The following SORCS1 variants were observed in gnomAD, a reference collection of about 807,000 sequenced individuals.
The protein encoded by SORCS1 is VPS10 domain-containing receptor SorCS1.
In SORCS1, 60 loss-of-function variants were observed where a neutral mutation model predicts 146.1. The ratio of observed to expected loss-of-function variants is 0.41; its 90% CI spans 0.33 to 0.51. The LOEUF (loss-of-function observed/expected upper bound fraction) is 0.51, where lower values mean the gene tolerates loss of function less well. Ranked by LOEUF, SORCS1 falls within the 20% of genes least tolerant of loss-of-function variation. The pLI is 0.21. For missense variants in SORCS1, 1,352 were observed against 1,487.6 expected (o/e 0.91, Z 1.50); for synonymous variants, 637 against 584.0 (o/e 1.09, Z -1.31).
intron 3 of SORCS1, among the ~76,000 whole-genome samples, chr10:106,783,968 C>A (rs1274250592): frequency 6.6e-6 from 1 of 152,022 alleles, no homozygotes; most frequent in East Asian, 1.9e-4. Context: ...AAGTGCATCC[C>A]ATGCTTAACT....
intron 1 of SORCS1, among the ~76,000 whole-genome samples, chr10:106,962,294 A>T (rs2139074378): frequency 6.9e-6 from 1 of 144,456 alleles, no homozygotes; most frequent in Admixed American, 7.2e-5. Flanking sequence ...GCTACTTGGG[A>T]GGCTGAGGCA....
At chr10:107,017,833 T>G (rs1957963511) in intron 1 of SORCS1, among the ~76,000 whole-genome samples, 1 of 152,038 alleles carries the variant, frequency 6.6e-6, no homozygotes, top group Non-Finnish European at 1.5e-5. Context: ...TGTTTGTTTT[T>G]TTGTAGTTTT....
rs935037248 is a variant in SORCS1 at position 107,014,913 on chromosome 10, T to G, written c.559-58333A>C. On this transcript the variant is annotated intron_variant, in intron 1 of 25. Transcript: ENST00000263054. The stretch of plus-strand genomic sequence containing the variant: ...TGATATGAATTCCTAAAGGAAGGAA[T>G]AGCCAATTGTGGTTGGAATATGGTC... Among the ~76,000 whole-genome samples the G allele has an allele frequency of 9.2e-5, 14 of 152,332 alleles. No individual in the cohort carries two copies. In the East Asian group the frequency reaches 2.3e-3, roughly 25 times the overall value.
intron 1 of SORCS1, among the ~76,000 whole-genome samples, chr10:107,104,906 T>C (rs1288228871): frequency 1.3e-5 from 2 of 152,074 alleles, no homozygotes; most frequent in African/African-American, 4.8e-5. Context: ...GTGTGGGAAA[T>C]AGGATCTGGA....
rs672508 is a variant in SORCS1 at position 107,143,967 on chromosome 10, T to G, written c.558+20002A>C. ...CAATCTAGTTTGCAAGGCCCTTTTT[T>G]GTAAGATGCCAGTTTTTCTCTCCAG... On this transcript the variant is annotated intron_variant, in intron 1 of 25. Transcript: ENST00000263054. Among the ~76,000 whole-genome samples the G allele has an allele frequency of 6.8e-4, 103 of 152,044 alleles. 1 individual carries two copies. Among genetic ancestry groups the G allele is most frequent in the African/African-American group, 2.1e-3 (89 of 41,438 alleles).
intron 5 of SORCS1, among the ~76,000 whole-genome samples, chr10:106,732,143 T>C (rs778810870): frequency 2.6e-5 from 4 of 152,224 alleles, no homozygotes; most frequent in Admixed American, 1.3e-4. Flanking sequence ...TTTTCTCTGA[T>C]TGATACATGG....
chr10:106,990,231 A>T (rs986212758), intron 1 of SORCS1, among the ~76,000 whole-genome samples: 5 of 152,162 alleles, frequency 3.3e-5, no homozygotes, highest in African/African-American at 1.2e-4. Context: ...CCCTATTCTA[A>T]AAACAAGGCC....
chr10:107,098,034 A>C (rs1416415112), intron 1 of SORCS1, among the ~76,000 whole-genome samples: 1 of 152,220 alleles, frequency 6.6e-6, no homozygotes, highest in African/African-American at 2.4e-5. Flanking sequence ...TTTGCAAAGC[A>C]CTATTGTGAT....
intron 2 of SORCS1, among the ~76,000 whole-genome samples, chr10:106,905,636 T>A (rs1951878609): frequency 6.6e-6 from 1 of 152,170 alleles, no homozygotes; most frequent in East Asian, 1.9e-4. Flanking sequence ...AGGAAAACAT[T>A]TGCAAAACAA....
intron 18 of SORCS1, among the ~76,000 whole-genome samples, chr10:106,639,768 A>G (rs1848947036): frequency 6.6e-6 from 1 of 152,182 alleles, no homozygotes; most frequent in African/African-American, 2.4e-5. Flanking sequence ...CTACGTCAGA[A>G]CTAAGCTGGC....
intron 18 of SORCS1, among the ~76,000 whole-genome samples, chr10:106,632,959 G>A (rs958006760): frequency 6.6e-6 from 1 of 152,076 alleles, no homozygotes; most frequent in Non-Finnish European, 1.5e-5. Flanking sequence ...GGGAACAGAG[G>A]GAACAGATGT....
chr10:106,690,075 A>T (rs781329412), intron 9 of SORCS1, among the ~76,000 whole-genome samples: 2 of 152,206 alleles, frequency 1.3e-5, no homozygotes, highest in African/African-American at 4.8e-5. Flanking sequence ...GTCTAAACTC[A>T]ACAAATGTGG....
chr10:107,085,118 T>C (rs1248950885), intron 1 of SORCS1, among the ~76,000 whole-genome samples: 3 of 152,150 alleles, frequency 2.0e-5, no homozygotes, highest in African/African-American at 4.8e-5. Flanking sequence ...CTATTCACAA[T>C]TGAAGAGAAA....
At chr10:107,139,138 T>C (rs533917200) in intron 1 of SORCS1, among the ~76,000 whole-genome samples, 1 of 152,330 alleles carries the variant, frequency 6.6e-6, no homozygotes, top group South Asian at 2.1e-4. Context: ...TAAGATTAAA[T>C]CTGATGAATT....
intron 1 of SORCS1, among the ~76,000 whole-genome samples, chr10:107,139,451 C>A (rs2134703288): frequency 6.6e-6 from 1 of 152,196 alleles, no homozygotes; most frequent in South Asian, 2.1e-4. Context: ...TCTGGTCCTG[C>A]AATCAATTGG....
At chr10:107,035,138 A>G (rs1958840092) in intron 1 of SORCS1, among the ~76,000 whole-genome samples, 1 of 151,820 alleles carries the variant, frequency 6.6e-6, no homozygotes, top group South Asian at 2.1e-4. Context: ...TCTAGATTAG[A>G]TGGAATACAC....
intron 1 of SORCS1, among the ~76,000 whole-genome samples, chr10:107,100,992 T>C (rs1326245841): frequency 6.6e-6 from 1 of 152,206 alleles, no homozygotes; most frequent in African/African-American, 2.4e-5. Context: ...ACTCCTGGAC[T>C]CAAGAGATCC....
upstream of SORCS1, among the ~76,000 whole-genome samples, chr10:107,165,292 A>AGTGTGTGTGTGT (rs3982278): frequency 0.09 from 12,815 of 142,632 alleles, 663 homozygotes; most frequent in Non-Finnish European, 0.13. The surrounding 1 kb of genome is among the most constrained non-coding windows in gnomAD (Gnocchi z 4.0). Context: ...CTCGTGTGTG[A>AGTGTGTGTGTGT]GTGTGTGTGT....
chr10:106,985,908 C>A (rs1956451273), intron 1 of SORCS1, among the ~76,000 whole-genome samples: 1 of 151,754 alleles, frequency 6.6e-6, no homozygotes. Context: ...ACAGAGTACC[C>A]CTTTCCCCAA....
Sources: allele counts gnomAD v4.1 joint callset (sites outside exome capture counted in the v4.1 genomes callset), GRCh38; gene constraint gnomAD v4.1.1; non-coding constraint Gnocchi (gnomAD v3.1); transcripts MANE v1.5; gene names NCBI Gene and HGNC (gene_info 2026-07-23, HGNC 2026-07-21).